Variants in HTR6 observed in about 807,000 individuals in gnomAD.
HTR6 encodes the protein 5-hydroxytryptamine (serotonin) receptor 6, G protein-coupled.
A neutral mutation model predicts 17.4 loss-of-function variants in HTR6; 15 were observed. That is an observed-to-expected ratio of 0.86 (90% confidence interval 0.58 to 1.33). The LOEUF (loss-of-function observed/expected upper bound fraction) is 1.33, where lower values mean the gene tolerates loss of function less well. Among genes scored for constraint, HTR6 ranks in the 40% most tolerant of loss-of-function variants. The probability of loss-of-function intolerance (pLI) is 0.00; values close to 1 mark genes in which losing one functional copy is unlikely to be tolerated. For synonymous variants in HTR6, 326 were observed against 295.5 expected, an observed-to-expected ratio of 1.10 and a Z score of -1.06; for missense variants, 578 against 616.0, an observed-to-expected ratio of 0.94 and a Z score of 0.65.
chr1:19,670,222 G>A (rs968701974), intron 1 of HTR6, among the ~76,000 whole-genome samples: 2 of 151,570 alleles, frequency 1.3e-5, no homozygotes, highest in African/African-American at 4.9e-5. Context: ...TCTCCACCCT[G>A]TTCTCCCACT....
rs761789698 is a variant in HTR6 at position 19,679,258 on chromosome 1, A to T, written c.1213A>T (p.Thr405Ser). The change falls in exon 3 of 3, where the codon ACC becomes TCC. Residue 405 changes from threonine to serine, a missense_variant. By Grantham distance (58) the Thr-to-Ser change is moderately conservative. Transcript: ENST00000289753. This position sits in a 1 kb window ranked among gnomAD's most constrained non-coding sequence, Gnocchi z 4.9. ...CCAGCTGCTGCTTCCTGGCGAGGCC[A>T]CCCAGGACCCCCCGCTGCCCACCAG... ...TAQLLLPGEATQDPPLPTRAA... is the reference protein window; with the variant it reads ...TAQLLLPGEASQDPPLPTRAA... The T allele has an allele frequency of 3.8e-6, 6 of 1,598,078 alleles. No individual in the cohort carries two copies. Among genetic ancestry groups the T allele is most frequent in the Middle Eastern group, 1.8e-4 (1 of 5,414 alleles).
chr1:19,679,464 G>A lies in HTR6; in HGVS notation c.*96G>A, dbSNP rs2095099036. The A allele has an allele frequency of 2.8e-6, 4 of 1,436,768 alleles. No individual in the cohort carries two copies. In the Admixed American group the frequency reaches 1.1e-4, roughly 40 times the overall value. The allele number at this position is 1,436,768 out of a possible 1,614,324, so 89.0% of individuals were successfully genotyped here. On this transcript the variant is annotated 3_prime_UTR_variant, in exon 3 of 3. Transcript: ENST00000289753. The surrounding 1 kb of genome is among the most constrained non-coding windows in gnomAD (Gnocchi z 4.9). ...CTTGGCTAAGACCAGGAGGCTGCAA[G>A]TCTCCTAGAAGCCCTCTGAGCTCCA...
chr1:19,670,661 A>G (rs1443505225), intron 1 of HTR6, among the ~76,000 whole-genome samples: 2 of 151,948 alleles, frequency 1.3e-5, no homozygotes, highest in Admixed American at 6.6e-5. Context: ...ATGGGGTTTC[A>G]CTGTGTTGCC....
intron 1 of HTR6, among the ~76,000 whole-genome samples, chr1:19,669,921 C>A (rs1333021179): frequency 2.0e-5 from 3 of 152,164 alleles, no homozygotes; most frequent in Non-Finnish European, 4.4e-5. Flanking sequence ...CAGGCGTGAG[C>A]CACTGCGCCT....
At chr1:19,677,430 C>G (rs1240962089) in intron 1 of HTR6, among the ~76,000 whole-genome samples, 1 of 152,246 alleles carries the variant, frequency 6.6e-6, no homozygotes, top group South Asian at 2.1e-4. Flanking sequence ...TTCTCTTCCT[C>G]CCTCCTACCC....
At position 19,679,294 on chromosome 1, in the gene HTR6, G is replaced by A. The variant is rs200009000; in HGVS notation, c.1249G>A (p.Ala417Thr). The A allele has an allele frequency of 5.8e-5, 94 of 1,607,746 alleles. No individual in the cohort carries two copies. The highest frequency in any genetic ancestry group is 7.8e-5 in the Non-Finnish European group (92 of 1,178,218). Reference protein sequence around the residue: ...DPPLPTRAAAAVNFFNIDPAE... With the variant: ...DPPLPTRAAATVNFFNIDPAE... ...CCCGCTGCCCACCAGGGCCGCTGCC[G>A]CCGTCAATTTCTTCAACATCGACCC... Residue 417 changes from alanine to threonine, a missense_variant, in exon 3 of 3, where the codon GCC (alanine) becomes ACC (threonine). Coordinates refer to ENST00000289753, the MANE Select transcript of HTR6 (RefSeq NM_000871.3). This position sits in a 1 kb window ranked among gnomAD's most constrained non-coding sequence, Gnocchi z 4.9.
chr1:19,669,619 G>A (rs972546757), intron 1 of HTR6, among the ~76,000 whole-genome samples: 1 of 152,174 alleles, frequency 6.6e-6, no homozygotes, highest in East Asian at 1.9e-4. Context: ...GGTCTTCTCT[G>A]TTGGGTCCTC....
rs113853587 is a variant in HTR6, at chr1:19,679,727, C to T, written c.*359C>T. Among the ~76,000 whole-genome samples, 482 of 152,312 alleles carry T rather than the reference C, an allele frequency of 3.2e-3. 2 individuals carry two copies. Among genetic ancestry groups the T allele is most frequent in the African/African-American group, 0.011 (466 of 41,562 alleles). On this transcript the variant is annotated 3_prime_UTR_variant, in exon 3 of 3. Transcript: ENST00000289753. This position sits in a 1 kb window ranked among gnomAD's most constrained non-coding sequence, Gnocchi z 4.9. ...CAGGCTGGACGGGAGGGAATGCCCC[C>T]ACCTGCAGGCATGGATTAATGCTGG... is the stretch of plus-strand genomic sequence containing the variant.
chr1:19,669,768 G>T (rs972697161), intron 1 of HTR6, among the ~76,000 whole-genome samples: 4 of 152,110 alleles, frequency 2.6e-5, no homozygotes, highest in African/African-American at 9.7e-5. Flanking sequence ...TCCTACCTGG[G>T]CTGCTTACAG....
At chr1:19,677,627 C>T (rs1361122709) in intron 1 of HTR6, among the ~76,000 whole-genome samples, 1 of 152,216 alleles carries the variant, frequency 6.6e-6, no homozygotes, top group Admixed American at 6.5e-5. Flanking sequence ...GAGTAATTGC[C>T]CAGGCAAGAC....
In HTR6 at chr1:19,665,890, T is replaced by C. The variant is rs770374013; in HGVS notation, c.137T>C (p.Leu46Pro). 1 of 1,610,208 alleles carries C rather than the reference T, an allele frequency of 6.2e-7. No individual in the cohort carries two copies. The highest frequency in any genetic ancestry group is 1.3e-5 in the African/African-American group (1 of 75,000). Residue 46 changes from leucine to proline, a missense_variant, in exon 1 of 3, where the codon CTG (leucine) becomes CCG (proline). By Grantham distance (98) the Leu-to-Pro change is moderately conservative. Coordinates refer to ENST00000289753, the MANE Select transcript of HTR6 (RefSeq NM_000871.3). The surrounding 1 kb of genome is among the most constrained non-coding windows in gnomAD (Gnocchi z 4.2). Reference sequence around the variant, plus strand: ...GCGCTGACGGCGGCGGCCAACTCGCTGCTGATCGCGCTCATCTGCACTCAG... The same window carrying C: ...GCGCTGACGGCGGCGGCCAACTCGCCGCTGATCGCGCTCATCTGCACTCAG... ...VIALTAAANSLLIALICTQPA... is the reference protein window; with the variant it reads ...VIALTAAANSPLIALICTQPA...
rs1268633770 is a variant in HTR6 at position 19,680,933 on chromosome 1, CA to C, written c.*1567del. Among the ~76,000 whole-genome samples the C allele has an allele frequency of 1.3e-5, 2 of 152,138 alleles. No individual in the cohort carries two copies. Among genetic ancestry groups the C allele is most frequent in the African/African-American group, 4.8e-5 (2 of 41,430 alleles). On this transcript the variant is annotated 3_prime_UTR_variant, in exon 3 of 3. Transcript: ENST00000289753. ...GCTTCCCCTATCCCCCAGGTCTGCC[CA>C]AGGGGACTCTCAATAAACTCTAGCT...
Position 19,674,329 on chromosome 1 carries a change from A to T in HTR6, c.715-4238A>T, listed in dbSNP as rs184477354. 4.7e-3 allele frequency among the ~76,000 whole-genome samples: 714 copies of T among 151,272 alleles called. 4 individuals are homozygous for T. The highest frequency in any genetic ancestry group is 7.6e-3 in the Non-Finnish European group (514 of 67,828). On this transcript the variant is annotated intron_variant, in intron 1 of 2. Transcript: ENST00000289753. ...ATAATCATGGAGATCTTTTCATTTG[A>T]TTGATTCATTCTTTTAAAACATCTG...
rs545347633 is a variant in HTR6 at position 19,666,329 on chromosome 1, G to T, written c.576G>T (p.Ala192=). The change falls in exon 1 of 3, where the codon GCG becomes GCT. Residue 192 remains alanine, a synonymous_variant. Transcript: ENST00000289753. This position sits in a 1 kb window ranked among gnomAD's most constrained non-coding sequence, Gnocchi z 4.5. ...CCAGCCTGCCTTTTGTCCTTGTGGC[G>T]TCGGGCCTCACCTTCTTCCTGCCCT... ...LLASLPFVLV[A]SGLTFFLPSG... is the part of the protein sequence containing the mutation. 1.5e-5 allele frequency: 25 copies of T among 1,613,592 alleles called. No homozygotes were observed. The African/African-American group carries it at 2.5e-4, about 16-fold the overall frequency.
At position 19,665,777 on chromosome 1, in the gene HTR6, C is replaced by A. The variant is rs572194723; in HGVS notation, c.24C>A (p.Thr8=). 2.0e-6 allele frequency: 3 copies of A among 1,499,914 alleles called. No individual in the cohort carries two copies. The highest frequency in any genetic ancestry group is 1.8e-4 in the Middle Eastern group (1 of 5,452). 92.9% of individuals were successfully genotyped at this position (1,499,914 alleles called of 1,614,324 possible). ...TCATGGTCCCAGAGCCGGGCCCAAC[C>A]GCCAATAGCACCCCGGCCTGGGGGG... MVPEPGP[T]ANSTPAWGAG... is the part of the protein sequence containing the mutation. The change falls in exon 1 of 3, where the codon ACC becomes ACA. Residue 8 remains threonine (T), a synonymous_variant. Coordinates refer to ENST00000289753, the MANE Select transcript of HTR6 (RefSeq NM_000871.3). The surrounding 1 kb of genome is among the most constrained non-coding windows in gnomAD (Gnocchi z 4.2).
intron 1 of HTR6, 133 bp from the exon 2 acceptor site, chr1:19,678,434 A>C (rs2095096980): frequency 2.7e-6 from 3 of 1,124,940 alleles, no homozygotes. Flanking sequence ...GGACTCAGTC[A>C]AGGAACAGGG....
rs2095098952 is a variant in HTR6 at position 19,679,394 on chromosome 1, G to A, written c.*26G>A. ...CCCGGGCTTGGGGCTGGCCAATGGG[G>A]AGCTGGATTGAGCAGAACCCAGACC... On this transcript the variant is annotated 3_prime_UTR_variant, in exon 3 of 3. Coordinates refer to ENST00000289753, the MANE Select transcript of HTR6 (RefSeq NM_000871.3). The surrounding 1 kb of genome is among the most constrained non-coding windows in gnomAD (Gnocchi z 4.9). 7 of 1,536,098 alleles carry A rather than the reference G, an allele frequency of 4.6e-6. No individual in the cohort carries two copies. Among genetic ancestry groups the A allele is most frequent in the African/African-American group, 1.4e-5 (1 of 73,124 alleles).
At chr1:19,672,800 C>G (rs908242907) in intron 1 of HTR6, among the ~76,000 whole-genome samples, 1 of 152,098 alleles carries the variant, frequency 6.6e-6, no homozygotes, top group African/African-American at 2.4e-5. Context: ...GAGGCCAAGG[C>G]AGGAGGATTC....
intron 1 of HTR6, among the ~76,000 whole-genome samples, chr1:19,673,045 G>A (rs1027598831): frequency 3.3e-5 from 5 of 152,022 alleles, no homozygotes; most frequent in African/African-American, 1.2e-4. Context: ...TATGTTTCTG[G>A]GGAGCTCACC....
Sources: gnomAD v4.1 joint callset for allele counts (sites outside exome capture counted in the v4.1 genomes callset) on GRCh38, gnomAD v4.1.1 for gene constraint, Gnocchi (gnomAD v3.1) non-coding constraint, MANE v1.5 for transcripts, NCBI Gene and HGNC (gene_info 2026-07-23, HGNC 2026-07-21) for gene names.